The following NR5A1 variants were observed in gnomAD, a reference collection of about 807,000 sequenced individuals.
NR5A1 encodes steroidogenic factor 1.
NR5A1 carries 6 observed loss-of-function variants against 42.7 expected under a neutral mutation model. The observed-to-expected ratio is 0.14, with a 90% CI of 0.08 to 0.28. NR5A1 has a LOEUF of 0.28. Ranked by LOEUF, NR5A1 falls within the 10% of genes least tolerant of loss-of-function variation. NR5A1 has a pLI of 1.00. For missense variants in NR5A1, 442 were observed against 626.4 expected (o/e 0.71, Z 3.14); for synonymous variants, 274 against 277.5 (o/e 0.99, Z 0.12).
chr9:124,483,519 A>C (rs968702611), intron 6 of NR5A1, among the ~76,000 whole-genome samples: 1 of 152,214 alleles, frequency 6.6e-6, no homozygotes, highest in Admixed American at 6.5e-5. Context: ...GCACGTGAGA[A>C]GCTCGGTGGG....
intron 4 of NR5A1, among the ~76,000 whole-genome samples, chr9:124,499,649 C>G (rs558587486): frequency 6.6e-6 from 1 of 152,228 alleles, no homozygotes; most frequent in East Asian, 1.9e-4. Context: ...TAGGCTGAAG[C>G]CTGGGGAGGC....
rs868533131 is a variant in NR5A1 at position 124,482,890 on chromosome 9, C to A, written c.1254G>T (p.Gln418His). The part of the protein sequence containing the change: ...HYPHCGDKFQ[Q>H]LLLCLVEVRA... Reference sequence around the variant, plus strand: ...GCACCTCCACCAGGCACAGCAGCAGCTGCTGGAATTTGTCCCCGCAGTGCG... The same window carrying A: ...GCACCTCCACCAGGCACAGCAGCAGATGCTGGAATTTGTCCCCGCAGTGCG... Residue 418 changes from glutamine to histidine, a missense_variant, in exon 7 of 7, where the codon CAG (glutamine) becomes CAT (histidine). Coordinates refer to ENST00000373588, the MANE Select transcript of NR5A1 (RefSeq NM_004959.5). 5 of 1,614,196 alleles carry A rather than the reference C, an allele frequency of 3.1e-6. No individual in the cohort carries two copies. The African/African-American group carries it at 4.0e-5, about 13-fold the overall frequency.
intron 6 of NR5A1, among the ~76,000 whole-genome samples, chr9:124,484,344 G>C (rs1355418114): frequency 6.6e-6 from 1 of 152,222 alleles, no homozygotes; most frequent in Admixed American, 6.5e-5. Flanking sequence ...GCAATAGGCA[G>C]AAGTCAGGGA....
Position 124,481,270 on chromosome 9 carries a change from G to T in NR5A1, c.*1488C>A, listed in dbSNP as rs1303082632. The T allele has an allele frequency of 1.3e-5, 2 of 152,154 alleles. No homozygotes were observed. Among genetic ancestry groups the T allele is most frequent in the Non-Finnish European group, 2.9e-5 (2 of 68,066 alleles). 9.4% of individuals were successfully genotyped at this position (152,154 alleles called of 1,614,324 possible). On this transcript the variant is annotated 3_prime_UTR_variant, in exon 7 of 7. Coordinates refer to ENST00000373588, the MANE Select transcript of NR5A1 (RefSeq NM_004959.5). ...ATTGCGAAATTTATTCCAGGGCTGT[G>T]GGGGCTGGGGTGATCCTTAAGGGCA...
In NR5A1 at chr9:124,491,189, G is replaced by A; in HGVS notation, c.1030C>T (p.Leu344=). ...TGCGCCCGCAACACCAGGCTGTGCAGCAGCGAGCCCGCCTGGGTGGCCACT... is the reference window on the plus strand; with the variant it reads ...TGCGCCCGCAACACCAGGCTGTGCAACAGCGAGCCCGCCTGGGTGGCCACT... The part of the protein sequence containing the change: ...TTVATQAGSL[L]HSLVLRAQEL... Residue 344 remains leucine (L), a synonymous_variant, in exon 6 of 7, where the codon CTG becomes TTG. Coordinates refer to ENST00000373588, the MANE Select transcript of NR5A1 (RefSeq NM_004959.5). 1 of 1,608,520 alleles carries A rather than the reference G, an allele frequency of 6.2e-7. No homozygotes were observed.
At chr9:124,493,185 G>C in intron 4 of NR5A1, 36 bp from the exon 5 acceptor site, 1 of 1,599,982 alleles carries the variant, frequency 6.3e-7, no homozygotes, top group Non-Finnish European at 8.5e-7. Context: ...CCGGGCTCCA[G>C]CCAGGGTCCA....
rs1213451480 is a variant in NR5A1, at chr9:124,500,652, C to T, written c.308G>A (p.Arg103Gln). ...NKFGPMYKRD[R>Q]ALKQQKKAQI... ...TGCCTTCTTCTGCTGTTTCAGGGCCCGGTCCCGCTTGTACATCGGCCCAAA... is the reference window on the plus strand; with the variant it reads ...TGCCTTCTTCTGCTGTTTCAGGGCCTGGTCCCGCTTGTACATCGGCCCAAA... The change falls in exon 4 of 7, where the codon CGG (arginine) becomes CAG (glutamine). Residue 103 changes from arginine (R) to glutamine (Q), a missense_variant. By Grantham distance (43) the Arg-to-Gln change is conservative. Coordinates refer to ENST00000373588, the MANE Select transcript of NR5A1 (RefSeq NM_004959.5). The surrounding 1 kb of genome is among the most constrained non-coding windows in gnomAD (Gnocchi z 6.9). The T allele has an allele frequency of 1.2e-6, 2 of 1,613,346 alleles. No homozygotes were observed. The highest frequency in any genetic ancestry group is 1.7e-6 in the Non-Finnish European group (2 of 1,180,020).
At chr9:124,492,048 C>A (rs1832319241) in intron 5 of NR5A1, among the ~76,000 whole-genome samples, 1 of 152,176 alleles carries the variant, frequency 6.6e-6, no homozygotes, top group South Asian at 2.1e-4. Context: ...GTCCTCCTGC[C>A]CCGATGGCCT....
Position 124,491,242 on chromosome 9 carries a change from G to C in NR5A1, c.991-14C>G. ...GGTCAGCTCCACCTGGGGGCAGAGG[G>C]CACGGGGCGGGGGACAGTCAGAGGA... On this transcript the variant is annotated splice_polypyrimidine_tract_variant and intron_variant, in intron 5 of 6. Coordinates refer to ENST00000373588, the MANE Select transcript of NR5A1 (RefSeq NM_004959.5). 1 of 1,590,926 alleles carries C rather than the reference G, an allele frequency of 6.3e-7. No homozygotes were observed. The highest frequency in any genetic ancestry group is 8.6e-7 in the Non-Finnish European group (1 of 1,168,034).
chr9:124,494,107 A>T (rs1450577987), intron 4 of NR5A1, among the ~76,000 whole-genome samples: 1 of 152,208 alleles, frequency 6.6e-6, no homozygotes, highest in East Asian at 1.9e-4. Context: ...GGGCAGACAC[A>T]GCCCCATCCC....
In NR5A1 at chr9:124,500,518, C is replaced by T. The variant is rs1361853916; in HGVS notation, c.442G>A (p.Glu148Lys). ...GGACCGGCGGCCAGGCCCTTGGGCTCAGGCCCATGCAGGCTGGGAGGCAGC... is the reference window on the plus strand; with the variant it reads ...GGACCGGCGGCCAGGCCCTTGGGCTTAGGCCCATGCAGGCTGGGAGGCAGC... ...YVLPPSLHGP[E>K]PKGLAAGPPA... Residue 148 changes from glutamate to lysine, a missense_variant, in exon 4 of 7, where the codon GAG becomes AAG. Glu to Lys is a moderately conservative substitution (Grantham distance 56). Coordinates refer to ENST00000373588, the MANE Select transcript of NR5A1 (RefSeq NM_004959.5). The surrounding 1 kb of genome is among the most constrained non-coding windows in gnomAD (Gnocchi z 6.9). The T allele has an allele frequency of 6.2e-7, 1 of 1,607,130 alleles. No homozygotes were observed. Among genetic ancestry groups the T allele is most frequent in the South Asian group, 1.1e-5 (1 of 90,912 alleles).
At chr9:124,493,372 CCT>C (rs1312928898) in intron 4 of NR5A1, among the ~76,000 whole-genome samples, 1 of 152,206 alleles carries the variant, frequency 6.6e-6, no homozygotes, top group Non-Finnish European at 1.5e-5. Flanking sequence ...TCAGGCCCCA[CCT>C]CTGTCTTTTG....
chr9:124,503,329 A>T lies in NR5A1; in HGVS notation c.67T>A (p.Tyr23Asn). ...CPVCGDKVSG[Y>N]HYGLLTCESC... is the part of the protein sequence containing the mutation. Reference sequence around the variant, plus strand: ...TCACACGTGAGCAGTCCGTAGTGGTAGCCGGACACCTTGTCCCCGCACACG... The same window carrying T: ...TCACACGTGAGCAGTCCGTAGTGGTTGCCGGACACCTTGTCCCCGCACACG... The change falls in exon 2 of 7, where the codon TAC becomes AAC. Residue 23 changes from tyrosine (Y) to asparagine (N), a missense_variant. This residue lies in a region of NR5A1 where 71 missense variants were observed against 156.8 expected (regional missense o/e 0.45). Coordinates refer to ENST00000373588, the MANE Select transcript of NR5A1 (RefSeq NM_004959.5). This position sits in a 1 kb window ranked among gnomAD's most constrained non-coding sequence, Gnocchi z 9.6. 6.2e-7 allele frequency: 1 copy of T among 1,611,822 alleles called. No homozygotes were observed. Among genetic ancestry groups the T allele is most frequent in the Non-Finnish European group, 8.5e-7 (1 of 1,179,554 alleles).
chr9:124,484,447 A>G (rs1458728400), intron 6 of NR5A1, among the ~76,000 whole-genome samples: 2 of 152,214 alleles, frequency 1.3e-5, no homozygotes, highest in African/African-American at 4.8e-5. Flanking sequence ...TCAGCCATGT[A>G]CATAAACTAG....
At chr9:124,495,953 T>G (rs948573406) in intron 4 of NR5A1, among the ~76,000 whole-genome samples, 1 of 152,186 alleles carries the variant, frequency 6.6e-6, no homozygotes, top group Non-Finnish European at 1.5e-5. Flanking sequence ...ATTTCCTGTT[T>G]TGTGAAGCAG....
In NR5A1 at chr9:124,490,271, C is replaced by T. The variant is rs543779645; in HGVS notation, c.1138+810G>A. Reference sequence around the variant, plus strand: ...CCACACCCATCTCTCTGTCTCAGCCCTAACCACCCAGGCTGTAGGTCTTTT... The same window carrying T: ...CCACACCCATCTCTCTGTCTCAGCCTTAACCACCCAGGCTGTAGGTCTTTT... On this transcript the variant is annotated intron_variant, in intron 6 of 6. Transcript: ENST00000373588. 2.4e-4 allele frequency among the ~76,000 whole-genome samples: 37 copies of T among 152,370 alleles called. 1 individual carries two copies. The East Asian group carries it at 4.8e-3, about 20-fold the overall frequency.
chr9:124,502,122 G>A (rs182521756), intron 3 of NR5A1, among the ~76,000 whole-genome samples: 2 of 152,220 alleles, frequency 1.3e-5, no homozygotes, highest in Admixed American at 1.3e-4. Flanking sequence ...ATGGGCAGCT[G>A]AATGTGTGGG....
intron 1 of NR5A1, among the ~76,000 whole-genome samples, chr9:124,504,024 C>CAGAG (rs150663190): frequency 0.017 from 1,801 of 105,910 alleles, 28 homozygotes; most frequent in Admixed American, 0.027. Context: ...GACAGGGAGA[C>CAGAG]AGAGAGAGAG....
chr9:124,487,117 G>C (rs1024538868), intron 6 of NR5A1, among the ~76,000 whole-genome samples: 7 of 152,234 alleles, frequency 4.6e-5, no homozygotes, highest in Non-Finnish European at 1.5e-5. Context: ...AGGGAGCTGG[G>C]AGATGGAGCC....
Sources: allele counts gnomAD v4.1 joint callset (sites outside exome capture counted in the v4.1 genomes callset), GRCh38; gene constraint gnomAD v4.1.1; regional missense constraint gnomAD v4.1.1; non-coding constraint Gnocchi (gnomAD v3.1); transcripts MANE v1.5; gene names NCBI Gene and HGNC (gene_info 2026-07-23, HGNC 2026-07-21).